Variants in NBPF10 observed in about 807,000 individuals in gnomAD.
NBPF10 encodes NBPF family member NBPF10.
A neutral mutation model predicts 77.9 loss-of-function variants in NBPF10; 63 were observed. That is an observed-to-expected ratio of 0.81 (90% confidence interval 0.66 to 1.00). NBPF10 has a LOEUF of 1.00. NBPF10 is among the 50% of genes least tolerant of loss of function. The pLI is 0.00. For missense variants in NBPF10, 522 were observed against 679.8 expected (o/e 0.77, Z 2.58); for synonymous variants, 146 against 264.5 (o/e 0.55, Z 4.35).
intron 89 of NBPF10, among the ~76,000 whole-genome samples, chr1:146,066,938 C>T (rs1292583242): frequency 2.1e-5 from 3 of 145,118 alleles, no homozygotes; most frequent in African/African-American, 4.9e-5. Context: ...GCTCAAAATT[C>T]GATGCAGTGG....
intron 6 of NBPF10, among the ~76,000 whole-genome samples, chr1:146,137,642 G>C (rs1455105070): frequency 7.6e-6 from 1 of 132,132 alleles, no homozygotes; most frequent in African/African-American, 2.9e-5. Flanking sequence ...GCCCGCCTCA[G>C]CCTCCCAAAG....
In NBPF10 at chr1:146,066,508, AG is replaced by A. The variant is rs1655058835; in HGVS notation, c.11197del (p.Leu3733TrpfsTer46). 1 of 689,856 alleles carries A rather than the reference AG, an allele frequency of 1.4e-6. No homozygotes were observed. The highest frequency in any genetic ancestry group is 3.6e-5 in the Admixed American group (1 of 27,598). 42.7% of individuals were successfully genotyped at this position (689,856 alleles called of 1,614,324 possible). On this transcript the variant is annotated frameshift_variant, in exon 90 of 90. Coordinates refer to ENST00000583866, the Ensembl canonical transcript of NBPF10. LOFTEE classifies it high-confidence loss of function. ...TGACGGAGTCGAATAACATCTATCC[AG>A]TGAGTCCTGTAAGACTTCACGCTCT...
rs1462033490 is a variant in NBPF10, at chr1:146,126,194, A to G, written c.2026+42T>C. On this transcript the variant is annotated intron_variant, in intron 14 of 89. Coordinates refer to ENST00000583866, the Ensembl canonical transcript of NBPF10. ...CAGTAGGAATATGACCCTAACCAGA[A>G]GACTCAGTGGATCCTTATCACCTTC... 4 of 1,084,404 alleles carry G rather than the reference A, an allele frequency of 3.7e-6. No homozygotes were observed. In the African/African-American group the frequency reaches 4.7e-5, roughly 13 times the overall value. The allele number at this position is 1,084,404 out of a possible 1,614,324, so 67.2% of individuals were successfully genotyped here.
chr1:146,140,338 C>T (rs1276603094), intron 4 of NBPF10, 146 bp downstream of exon 4: 14 of 819,272 alleles, frequency 1.7e-5, no homozygotes, highest in Non-Finnish European at 2.7e-5. Flanking sequence ...AGCTGCCGCA[C>T]CCTGTGTCTA....
chr1:146,066,826 T>C (rs1475482784), intron 89 of NBPF10, among the ~76,000 whole-genome samples: 1 of 151,700 alleles, frequency 6.6e-6, no homozygotes, highest in East Asian at 1.9e-4. Flanking sequence ...CCAGGTGACA[T>C]ACTGGTAAGG....
intron 19 of NBPF10, 47 bp downstream of exon 19, chr1:146,122,236 T>A: frequency 1.5e-5 from 1 of 66,496 alleles, no homozygotes; most frequent in Non-Finnish European, 2.4e-5. Context: ...ATCTGTTGCC[T>A]CCAGGTGTTA....
chr1:146,066,872 C>A (rs1655128629), intron 89 of NBPF10, among the ~76,000 whole-genome samples: 1 of 150,448 alleles, frequency 6.6e-6, no homozygotes, highest in South Asian at 2.1e-4. Flanking sequence ...GCCCTCATGA[C>A]ACACAGCAAA....
chr1:146,129,929 T>C lies in NBPF10; in HGVS notation c.1638-1647A>G, dbSNP rs1369315346. The stretch of plus-strand genomic sequence containing the variant: ...TATATATATTTTTTAATACTTTAAG[T>C]CTTAGGGTACATGTGCACAACGTGC... On this transcript the variant is annotated intron_variant, in intron 11 of 89. Coordinates refer to ENST00000583866, the Ensembl canonical transcript of NBPF10. Among the ~76,000 whole-genome samples, 5 of 102,568 alleles carry C rather than the reference T, an allele frequency of 4.9e-5. 1 individual carries two copies. In the East Asian group the frequency reaches 6.7e-4, roughly 14 times the overall value. The allele number at this position is 102,568 out of a possible 152,430, so 67.3% of individuals were successfully genotyped here. A position where few individuals can be genotyped will look rare whatever the true frequency, so the allele number is the denominator to read the frequency against.
exon 14 of NBPF10, chr1:146,126,382 T>G: frequency 7.3e-7 from 1 of 1,364,408 alleles, no homozygotes; most frequent in African/African-American, 1.5e-5. Flanking sequence ...TTCAGGCCCT[T>G]TCTCATCCAG....
intron 89 of NBPF10, among the ~76,000 whole-genome samples, 196 bp from the exon 90 acceptor site, chr1:146,066,757 CAG>C (rs782490649): frequency 6.6e-6 from 1 of 150,508 alleles, no homozygotes. Context: ...AAGAGAAAGA[CAG>C]AGAGAGAGAG....
At chr1:146,126,334 G>T (rs587689248) in exon 14 of NBPF10, 13 of 1,296,290 alleles carry the variant, frequency 1.0e-5, no homozygotes, top group Non-Finnish European at 1.5e-5. Context: ...ACAACCTGAA[G>T]GAGTTGAATA....
At position 146,126,165 on chromosome 1, in the gene NBPF10, C is replaced by T. The variant is rs587769006; in HGVS notation, c.2026+71G>A. 1.1e-3 allele frequency: 969 copies of T among 915,510 alleles called. 9 individuals are homozygous for T. The highest frequency in any genetic ancestry group is 0.01 in the Middle Eastern group (32 of 3,094). The allele number at this position is 915,510 out of a possible 1,614,324, so 56.7% of individuals were successfully genotyped here. A position where few individuals can be genotyped will look rare whatever the true frequency, so the allele number is the denominator to read the frequency against. On this transcript the variant is annotated intron_variant, in intron 14 of 89. Coordinates refer to ENST00000583866, the Ensembl canonical transcript of NBPF10. Reference sequence around the variant, plus strand: ...ACATCTCTCAGCTCAGTAACGGCCACTTGCAGTAGGAATATGACCCTAACC... The same window carrying T: ...ACATCTCTCAGCTCAGTAACGGCCATTTGCAGTAGGAATATGACCCTAACC...
chr1:146,073,050 G>A lies in NBPF10; in HGVS notation c.10131-149C>T, dbSNP rs1438481974. On this transcript the variant is annotated intron_variant, in intron 81 of 89. Coordinates refer to ENST00000583866, the Ensembl canonical transcript of NBPF10. Reference sequence around the variant, plus strand: ...GTAATGAATTATTGCCTTTATGTTGGGATAGACCAGGGCCAGGTAGAAAAG... The same window carrying A: ...GTAATGAATTATTGCCTTTATGTTGAGATAGACCAGGGCCAGGTAGAAAAG... 3.1e-5 allele frequency: 8 copies of A among 261,362 alleles called. 2 individuals are homozygous for A. Among genetic ancestry groups the A allele is most frequent in the Non-Finnish European group, 4.0e-5 (6 of 151,032 alleles). 16.2% of individuals were successfully genotyped at this position (261,362 alleles called of 1,614,324 possible).
intron 13 of NBPF10, among the ~76,000 whole-genome samples, chr1:146,126,622 C>G (rs1276023896): frequency 6.6e-4 from 95 of 143,918 alleles, no homozygotes; most frequent in African/African-American, 2.3e-3. Flanking sequence ...CACACACACA[C>G]ACACACACAC....
intron 23 of NBPF10, among the ~76,000 whole-genome samples, 197 bp from the exon 24 acceptor site, chr1:146,118,739 GACAC>G (rs1326539601): frequency 1.6e-3 from 8 of 4,864 alleles, no homozygotes; most frequent in East Asian, 6.5e-3. Context: ...AAGACAGATA[GACAC>G]ACACACACAC....
At chr1:146,126,102 C>G (rs1168254939) in intron 14 of NBPF10, 134 bp downstream of exon 14, 3 of 669,230 alleles carry the variant, frequency 4.5e-6, no homozygotes, top group Middle Eastern at 4.1e-4. Flanking sequence ...GAGTTTCATT[C>G]AACCTACATG....
intron 5 of NBPF10, among the ~76,000 whole-genome samples, chr1:146,138,877 C>T (rs587745522): frequency 1.4e-5 from 2 of 144,046 alleles, no homozygotes; most frequent in Admixed American, 7.0e-5. Flanking sequence ...CTCTGCCGCC[C>T]GGGTTCAAGC....
rs782148405 is a variant in NBPF10, at chr1:146,069,725, T to A, written c.10638-10A>T. 5.0e-5 allele frequency: 38 copies of A among 755,378 alleles called. No homozygotes were observed. Among genetic ancestry groups the A allele is most frequent in the Non-Finnish European group, 7.4e-5 (32 of 431,170 alleles). 46.8% of individuals were successfully genotyped at this position (755,378 alleles called of 1,614,324 possible). A position where few individuals can be genotyped will look rare whatever the true frequency, so the allele number is the denominator to read the frequency against. On this transcript the variant is annotated splice_polypyrimidine_tract_variant and intron_variant, in intron 85 of 89. Coordinates refer to ENST00000583866, the Ensembl canonical transcript of NBPF10. Reference sequence around the variant, plus strand: ...CAGCTCCCTGCTGAGCCTGGAAAAGTGGGAAAAAGTAAAGAATAAGCCAGG... The same window carrying A: ...CAGCTCCCTGCTGAGCCTGGAAAAGAGGGAAAAAGTAAAGAATAAGCCAGG...
rs373979424 is a variant in NBPF10, at chr1:146,134,286, G to A, written c.1307-21C>T. 68 of 1,602,160 alleles carry A rather than the reference G, an allele frequency of 4.2e-5. 1 individual carries two copies. The highest frequency in any genetic ancestry group is 3.7e-4 in the African/African-American group (27 of 72,854). On this transcript the variant is annotated intron_variant, in intron 8 of 89. Transcript: ENST00000583866. ...ATTTTCTGCAAATACAGAAGTGTTC[G>A]TTCAGGTATTTCCCACTTCACAGTC...
Sources: allele counts gnomAD v4.1 joint callset (sites outside exome capture counted in the v4.1 genomes callset), GRCh38; gene constraint gnomAD v4.1.1; transcripts MANE v1.5; gene names NCBI Gene and HGNC (gene_info 2026-07-23, HGNC 2026-07-21).